UBXN2A: variants seen among roughly 807,000 people sequenced by gnomAD.
The protein encoded by UBXN2A is UBX domain-containing protein 2A.
UBXN2A carries 28 observed loss-of-function variants against 28.4 expected under a neutral mutation model. That is an observed-to-expected ratio of 0.99 (90% CI 0.73 to 1.35). The LOEUF (loss-of-function observed/expected upper bound fraction) is 1.35. UBXN2A is among the 40% of genes most tolerant of loss of function. The probability of loss-of-function intolerance (pLI) is 0.00; values close to 1 mark genes in which losing one functional copy is unlikely to be tolerated. For missense variants in UBXN2A, 253 were observed against 297.9 expected (o/e 0.85, Z 1.11); for synonymous variants, 97 against 103.6 (o/e 0.94, Z 0.39).
At chr2:23,954,099 G>A (rs1312170464) in intron 1 of UBXN2A, among the ~76,000 whole-genome samples, 2 of 151,900 alleles carry the variant, frequency 1.3e-5, no homozygotes, top group East Asian at 1.9e-4. Flanking sequence ...TGCAACCTCC[G>A]CCTCCCGGGT....
At chr2:23,997,053 C>G (rs1056513113) in intron 6 of UBXN2A, 2 of 152,180 alleles carry the variant, frequency 1.3e-5, no homozygotes, top group Non-Finnish European at 2.9e-5. Context: ...TCCCAAGTAG[C>G]TGGGACTATA....
At chr2:23,970,893 C>T (rs913191995) in intron 2 of UBXN2A, among the ~76,000 whole-genome samples, 3 of 152,046 alleles carry the variant, frequency 2.0e-5, no homozygotes, top group Non-Finnish European at 4.4e-5. Context: ...AGACAGAGCT[C>T]AGGTGGTAAT....
intron 2 of UBXN2A, among the ~76,000 whole-genome samples, chr2:23,967,914 A>G (rs1013917563): frequency 1.3e-5 from 2 of 152,118 alleles, no homozygotes; most frequent in Admixed American, 6.6e-5. Context: ...CATTTTAGTA[A>G]CAATATAGTG....
At chr2:23,969,674 T>G (rs1707330987) in intron 2 of UBXN2A, among the ~76,000 whole-genome samples, 1 of 152,138 alleles carries the variant, frequency 6.6e-6, no homozygotes, top group African/African-American at 2.4e-5. Context: ...CCAAAACATT[T>G]TTAAAATTCA....
chr2:23,934,747 G>A (rs2150785479), intron 1 of UBXN2A, among the ~76,000 whole-genome samples: 1 of 152,204 alleles, frequency 6.6e-6, no homozygotes, highest in Middle Eastern at 3.4e-3. Flanking sequence ...GCTACCAGAA[G>A]GAAATAAAGA....
At chr2:23,988,541 T>G (rs1172055768) in intron 6 of UBXN2A, among the ~76,000 whole-genome samples, 1 of 152,226 alleles carries the variant, frequency 6.6e-6, no homozygotes, top group Non-Finnish European at 1.5e-5. Context: ...GTGACAGAAC[T>G]AATGCTTTGT....
At chr2:23,965,277 C>T (rs1322039550) in intron 2 of UBXN2A, among the ~76,000 whole-genome samples, 1 of 152,200 alleles carries the variant, frequency 6.6e-6, no homozygotes, top group Non-Finnish European at 1.5e-5. Flanking sequence ...TGAGACGCAG[C>T]ATCCTTGTCT....
chr2:23,971,453 T>C, intron 3 of UBXN2A, 39 bp downstream of exon 3: 2 of 1,488,020 alleles, frequency 1.3e-6, no homozygotes, highest in Non-Finnish European at 1.8e-6. Flanking sequence ...TCTTTCAGTG[T>C]TTCTCAATAT....
At chr2:23,957,060 G>A (rs1375873225) in intron 1 of UBXN2A, among the ~76,000 whole-genome samples, 3 of 151,990 alleles carry the variant, frequency 2.0e-5, no homozygotes, top group Non-Finnish European at 2.9e-5. Flanking sequence ...GTAAATAGTT[G>A]TTATGTAATT....
intron 4 of UBXN2A, among the ~76,000 whole-genome samples, chr2:23,979,368 C>T (rs1707804688): frequency 6.6e-6 from 1 of 151,802 alleles, no homozygotes; most frequent in Admixed American, 6.6e-5. Flanking sequence ...ACTTAAAAAT[C>T]ACTTATAATT....
At chr2:23,995,509 G>A (rs996668665) in intron 6 of UBXN2A, among the ~76,000 whole-genome samples, 4 of 151,872 alleles carry the variant, frequency 2.6e-5, no homozygotes, top group South Asian at 2.1e-4. Flanking sequence ...GGCTAACATG[G>A]TGAAACCCCG....
intron 1 of UBXN2A, among the ~76,000 whole-genome samples, chr2:23,955,653 A>G (rs1260321488): frequency 6.6e-6 from 1 of 152,230 alleles, no homozygotes; most frequent in African/African-American, 2.4e-5. Flanking sequence ...CTCCTAGGCT[A>G]CAAACCTGTA....
At chr2:23,935,359 T>C (rs1705491489) in intron 1 of UBXN2A, among the ~76,000 whole-genome samples, 1 of 152,154 alleles carries the variant, frequency 6.6e-6, no homozygotes, top group South Asian at 2.1e-4. Context: ...ATATGTATTT[T>C]TTAAAACGCA....
chr2:23,994,400 C>T lies in UBXN2A; in HGVS notation c.585-5272C>T, dbSNP rs1043898624. ...GATGGAAATGTTCTCGTATTTTATT[C>T]TCTTTTGTCTTTGGCATTTGTGGCT... On this transcript the variant is annotated intron_variant, in intron 6 of 6. Transcript: ENST00000309033. Among the ~76,000 whole-genome samples, 5 of 152,178 alleles carry T rather than the reference C, an allele frequency of 3.3e-5. No individual in the cohort carries two copies. The South Asian group carries it at 8.3e-4, about 25-fold the overall frequency.
intron 6 of UBXN2A, 28 bp downstream of exon 6, chr2:23,984,859 TTTTTTC>T: frequency 6.5e-7 from 1 of 1,532,336 alleles, no homozygotes; most frequent in Non-Finnish European, 8.7e-7. Flanking sequence ...GTATTTGATA[TTTTTTC>T]ACCAAGTTAA....
intron 6 of UBXN2A, among the ~76,000 whole-genome samples, chr2:23,994,779 C>T (rs1164924622): frequency 6.6e-6 from 1 of 152,224 alleles, no homozygotes; most frequent in Non-Finnish European, 1.5e-5. Context: ...CATCATCTTC[C>T]TCCAAAGATA....
At chr2:23,971,156 A>G in intron 2 of UBXN2A, 120 bp from the exon 3 acceptor site, 2 of 1,106,254 alleles carry the variant, frequency 1.8e-6, no homozygotes, top group East Asian at 2.5e-5. Flanking sequence ...AACTTAGGAG[A>G]GGGCCTGAAC....
intron 1 of UBXN2A, among the ~76,000 whole-genome samples, chr2:23,933,660 T>G (rs1023275413): frequency 3.3e-5 from 5 of 152,108 alleles, no homozygotes; most frequent in African/African-American, 1.2e-4. Flanking sequence ...AGTTTGAGGC[T>G]GTAGTGAGCC....
rs552673561 is a variant in UBXN2A at position 23,962,740 on chromosome 2, G to A, written c.41+4385G>A. Among the ~76,000 whole-genome samples the A allele has an allele frequency of 1.2e-3, 182 of 151,944 alleles. 1 individual carries two copies. The highest frequency in any genetic ancestry group is 2.1e-3 in the Non-Finnish European group (144 of 67,958). On this transcript the variant is annotated intron_variant, in intron 2 of 6. Coordinates refer to ENST00000309033, the MANE Select transcript of UBXN2A (RefSeq NM_181713.4). ...CCTGCCTCAGCCTCCCTAGTAGCTG[G>A]AATTACAGGCATGTGCAACCACACC...
Sources: gnomAD v4.1 joint callset for allele counts (sites outside exome capture counted in the v4.1 genomes callset) on GRCh38, gnomAD v4.1.1 for gene constraint, MANE v1.5 for transcripts, NCBI Gene and HGNC (gene_info 2026-07-23, HGNC 2026-07-21) for gene names.